The following CHRM2 variants were observed in gnomAD, a reference collection of about 807,000 sequenced individuals.
CHRM2 encodes cholinergic receptor muscarinic 2, also known as muscarinic acetylcholine receptor M2.
In CHRM2, 8 loss-of-function variants were observed where a neutral mutation model predicts 25.0. The ratio of observed to expected loss-of-function variants is 0.32; its 90% CI spans 0.19 to 0.58. The LOEUF is 0.58. Among genes scored for constraint, CHRM2 ranks in the 20% least tolerant of loss-of-function variants. CHRM2 has a pLI of 0.88. For missense variants in CHRM2, 440 were observed against 567.1 expected (o/e 0.78, Z 2.28); for synonymous variants, 202 against 205.7 (o/e 0.98, Z 0.15).
intron 2 of CHRM2, among the ~76,000 whole-genome samples, chr7:136,956,559 A>G (rs1800735556): frequency 6.6e-6 from 1 of 152,174 alleles, no homozygotes; most frequent in African/African-American, 2.4e-5. Flanking sequence ...TCAGTTGCAA[A>G]AGAAGACAGG....
chr7:137,012,818 A>T (rs1381088377), intron 3 of CHRM2, among the ~76,000 whole-genome samples: 1 of 152,010 alleles, frequency 6.6e-6, no homozygotes, highest in Non-Finnish European at 1.5e-5. Context: ...TTCCTGAGAC[A>T]AGTGTTTCTT....
At position 137,018,068 on chromosome 7, in the gene CHRM2, GTAA is replaced by G. The variant is rs746026765; in HGVS notation, c.*1810_*1812del. 1.8e-4 allele frequency: 27 copies of G among 151,806 alleles called. No individual in the cohort carries two copies. The East Asian group carries it at 2.3e-3, about 13-fold the overall frequency. 9.4% of individuals were successfully genotyped at this position (151,806 alleles called of 1,614,324 possible). A position where few individuals can be genotyped will look rare whatever the true frequency, so the allele number is the denominator to read the frequency against. Reference sequence around the variant, plus strand: ...TTTTAGATTTATGATATCTTGTTCAGTAATAATAATGTTAGTTACATGGTAAAT... The same window carrying G: ...TTTTAGATTTATGATATCTTGTTCAGTAATAATGTTAGTTACATGGTAAAT... On this transcript the variant is annotated 3_prime_UTR_variant, in exon 4 of 4. Transcript: ENST00000680005.
At chr7:136,942,674 C>A (rs1799840697) in intron 2 of CHRM2, among the ~76,000 whole-genome samples, 1 of 152,108 alleles carries the variant, frequency 6.6e-6, no homozygotes, top group South Asian at 2.1e-4. Flanking sequence ...GGAAGAATAA[C>A]CCCAGGGCAG....
At chr7:136,987,485 A>G (rs1802936066) in intron 2 of CHRM2, among the ~76,000 whole-genome samples, 1 of 152,252 alleles carries the variant, frequency 6.6e-6, no homozygotes, top group Non-Finnish European at 1.5e-5. Flanking sequence ...AGCTATGCCC[A>G]GTCTCCCTAC....
At chr7:136,952,436 T>C (rs1188660449) in intron 2 of CHRM2, among the ~76,000 whole-genome samples, 1 of 152,168 alleles carries the variant, frequency 6.6e-6, no homozygotes, top group Admixed American at 6.6e-5. Flanking sequence ...AAATGAGAAA[T>C]TGAGAACCAG....
chr7:136,881,912 G>A (rs1243206929), intron 2 of CHRM2, among the ~76,000 whole-genome samples: 1 of 152,026 alleles, frequency 6.6e-6, no homozygotes, highest in East Asian at 1.9e-4. Flanking sequence ...CCATGACGAA[G>A]CTAAGTTAAA....
intron 3 of CHRM2, among the ~76,000 whole-genome samples, chr7:137,000,253 C>T (rs1803907797): frequency 8.2e-6 from 1 of 122,586 alleles, no homozygotes; most frequent in South Asian, 2.9e-4. Flanking sequence ...GGCTGGAGTG[C>T]AGTGGCGCAA....
Position 136,915,501 on chromosome 7 carries a change from T to C in CHRM2, c.-125+46083T>C, listed in dbSNP as rs899265823. ...GGTATATTAATCCCATTTTATGTTT[T>C]ATATATATTATTAAGAAATCAAGAA... On this transcript the variant is annotated intron_variant, in intron 2 of 3. Coordinates refer to ENST00000680005, the MANE Select transcript of CHRM2 (RefSeq NM_001006630.2). Among the ~76,000 whole-genome samples the C allele has an allele frequency of 2.0e-5, 3 of 152,014 alleles. No homozygotes were observed. In the South Asian group the frequency reaches 6.2e-4, roughly 32 times the overall value.
rs146718331 is a variant in CHRM2 at position 136,873,290 on chromosome 7, G to A, written c.-125+3872G>A. On this transcript the variant is annotated intron_variant, in intron 2 of 3. Coordinates refer to ENST00000680005, the MANE Select transcript of CHRM2 (RefSeq NM_001006630.2). ...TCCCACAGCTCACCTGGCCTATGTG[G>A]TGGAGGTGGTATGTGGGGAAAGAGA... Among the ~76,000 whole-genome samples, 472 of 152,302 alleles carry A rather than the reference G, an allele frequency of 3.1e-3. 5 individuals carry two copies. Among genetic ancestry groups the A allele is most frequent in the African/African-American group, 0.011 (464 of 41,562 alleles).
chr7:136,997,683 G>A (rs962418649), intron 3 of CHRM2, among the ~76,000 whole-genome samples: 6 of 152,128 alleles, frequency 3.9e-5, no homozygotes, highest in Admixed American at 3.9e-4. Flanking sequence ...ATTTATTCTT[G>A]TCTGATCTTT....
chr7:136,932,915 A>G (rs560801255), intron 2 of CHRM2, among the ~76,000 whole-genome samples: 1 of 152,282 alleles, frequency 6.6e-6, no homozygotes, highest in South Asian at 2.1e-4. Flanking sequence ...CTGTAGTCCC[A>G]GCTACTCAGG....
chr7:136,891,222 T>C (rs1796678334), intron 2 of CHRM2, among the ~76,000 whole-genome samples: 1 of 152,206 alleles, frequency 6.6e-6, no homozygotes, highest in South Asian at 2.1e-4. Context: ...TTCCTTAGTT[T>C]CTACCCAATG....
At chr7:136,895,909 T>C (rs1245393456) in intron 2 of CHRM2, among the ~76,000 whole-genome samples, 1 of 152,172 alleles carries the variant, frequency 6.6e-6, no homozygotes, top group Non-Finnish European at 1.5e-5. Flanking sequence ...TGGGATATAT[T>C]TGGTGTGTGC....
At position 136,885,308 on chromosome 7, in the gene CHRM2, C is replaced by T. The variant is rs542891004; in HGVS notation, c.-125+15890C>T. Among the ~76,000 whole-genome samples the T allele has an allele frequency of 3.3e-5, 5 of 152,278 alleles. No homozygotes were observed. In the South Asian group the frequency reaches 1.0e-3, roughly 32 times the overall value. On this transcript the variant is annotated intron_variant, in intron 2 of 3. Coordinates refer to ENST00000680005, the MANE Select transcript of CHRM2 (RefSeq NM_001006630.2). ...AGAGAGTTGGAGAATAGCTTGCTTG[C>T]AAAAGTGAGCAGGTCTCACATACTC... is the stretch of plus-strand genomic sequence containing the variant.
intron 2 of CHRM2, among the ~76,000 whole-genome samples, chr7:136,912,265 T>C (rs1389626856): frequency 2.6e-5 from 4 of 151,984 alleles, no homozygotes; most frequent in African/African-American, 9.7e-5. Context: ...CACTGGAATT[T>C]GACTTTTTTC....
intron 3 of CHRM2, among the ~76,000 whole-genome samples, chr7:136,997,391 G>A (rs1379650573): frequency 6.6e-6 from 1 of 152,160 alleles, no homozygotes; most frequent in Admixed American, 6.6e-5. Context: ...ATCAGGTAAA[G>A]TGGATGGCCC....
intron 2 of CHRM2, among the ~76,000 whole-genome samples, chr7:136,923,920 G>T (rs1163107359): frequency 6.6e-6 from 1 of 152,080 alleles, no homozygotes; most frequent in African/African-American, 2.4e-5. Flanking sequence ...GACTTAGGTG[G>T]CAGGATCATT....
intron 2 of CHRM2, among the ~76,000 whole-genome samples, chr7:136,940,316 ACTCG>A (rs1437098448): frequency 6.6e-6 from 1 of 152,178 alleles, no homozygotes; most frequent in Non-Finnish European, 1.5e-5. Context: ...AGTACAGTAT[ACTCG>A]CGTTGAACAG....
At chr7:136,901,862 T>C (rs999833405) in intron 2 of CHRM2, 4 of 151,922 alleles carry the variant, frequency 2.6e-5, no homozygotes, top group African/African-American at 9.7e-5. Context: ...CCAAAGACGC[T>C]GTTGGTGGTA....
Sources: allele counts gnomAD v4.1 joint callset (sites outside exome capture counted in the v4.1 genomes callset), GRCh38; gene constraint gnomAD v4.1.1; transcripts MANE v1.5; gene names NCBI Gene and HGNC (gene_info 2026-07-23, HGNC 2026-07-21).